The following FSIP1 variants were observed in gnomAD, a reference collection of about 807,000 sequenced individuals.
FSIP1 encodes fibrous sheath-interacting protein 1.
Under a neutral mutation model 60.9 loss-of-function variants are expected in FSIP1, and 65 were observed. That is an observed-to-expected ratio of 1.07 (90% CI 0.87 to 1.31). FSIP1 has a LOEUF of 1.31. Ranked by LOEUF, FSIP1 falls within the 40% of genes most tolerant of loss-of-function variation. FSIP1 has a pLI of 0.00. For missense variants in FSIP1, 675 were observed against 665.5 expected (o/e 1.01, Z -0.16); for synonymous variants, 209 against 221.2 (o/e 0.94, Z 0.49).
At chr15:39,678,924 T>C (rs1443576474) in intron 10 of FSIP1, among the ~76,000 whole-genome samples, 3 of 152,136 alleles carry the variant, frequency 2.0e-5, no homozygotes, top group Non-Finnish European at 2.9e-5. Context: ...ATTCTTTGGG[T>C]ATTGTTTTGT....
intron 10 of FSIP1, among the ~76,000 whole-genome samples, chr15:39,652,492 A>G (rs2411312): frequency 0.79 from 120,737 of 152,124 alleles, 48,924 homozygotes; most frequent in Non-Finnish European, 0.88. Context: ...AAAATTTGCT[A>G]TAGATTTTGC....
chr15:39,710,844 G>A (rs1895477111), intron 10 of FSIP1, among the ~76,000 whole-genome samples: 1 of 152,188 alleles, frequency 6.6e-6, no homozygotes, highest in Non-Finnish European at 1.5e-5. Context: ...AAATACTTTA[G>A]TATCTGTAAA....
intron 9 of FSIP1, among the ~76,000 whole-genome samples, chr15:39,721,277 G>C (rs10520150): frequency 0.12 from 18,111 of 152,192 alleles, 1,323 homozygotes; most frequent in African/African-American, 0.2. Context: ...TTACCATACA[G>C]AGATAAGTCA....
At chr15:39,712,114 T>C (rs116325358) in intron 10 of FSIP1, among the ~76,000 whole-genome samples, 1 of 152,170 alleles carries the variant, frequency 6.6e-6, no homozygotes, top group African/African-American at 2.4e-5. Flanking sequence ...AAATGAGCTA[T>C]AAAAAAAGCA....
intron 5 of FSIP1, among the ~76,000 whole-genome samples, chr15:39,748,918 C>A (rs1376454044): frequency 6.6e-6 from 1 of 151,148 alleles, no homozygotes; most frequent in Non-Finnish European, 1.5e-5. Flanking sequence ...AAAAGTTAGA[C>A]TAAGAAAAAA....
chr15:39,672,372 T>C (rs932316773), intron 10 of FSIP1, among the ~76,000 whole-genome samples: 1 of 152,228 alleles, frequency 6.6e-6, no homozygotes, highest in African/African-American at 2.4e-5. Context: ...CTGTCAGCTA[T>C]GCTTAGAAAG....
chr15:39,742,169 G>C (rs919970394), intron 5 of FSIP1, among the ~76,000 whole-genome samples: 1 of 152,182 alleles, frequency 6.6e-6, no homozygotes, highest in African/African-American at 2.4e-5. Flanking sequence ...GGATGTGTAA[G>C]AGTGTGCTAA....
At position 39,780,948 on chromosome 15, in the gene FSIP1, A is replaced by G. The variant is rs186130416; in HGVS notation, c.-8+1680T>C. Among the ~76,000 whole-genome samples the G allele has an allele frequency of 1.7e-3, 259 of 152,346 alleles. 2 individuals are homozygous for G. Among genetic ancestry groups the G allele is most frequent in the African/African-American group, 6.1e-3 (255 of 41,576 alleles). ...TGGGTTAGGCAAAAATTTCTTAGATACAACATCAAAGGCATGATTCATAAA... is the reference window on the plus strand; with the variant it reads ...TGGGTTAGGCAAAAATTTCTTAGATGCAACATCAAAGGCATGATTCATAAA... On this transcript the variant is annotated intron_variant, in intron 1 of 11. Transcript: ENST00000350221.
intron 11 of FSIP1, among the ~76,000 whole-genome samples, chr15:39,612,077 C>A (rs1209047486): frequency 6.6e-6 from 1 of 152,132 alleles, no homozygotes; most frequent in Non-Finnish European, 1.5e-5. Flanking sequence ...GACCTCAATA[C>A]CCCACTTTCA....
chr15:39,626,384 G>A (rs897517312), intron 10 of FSIP1, among the ~76,000 whole-genome samples: 5 of 152,190 alleles, frequency 3.3e-5, no homozygotes, highest in Non-Finnish European at 7.3e-5. Flanking sequence ...TCAGGGGAGT[G>A]TATCCAAAAC....
chr15:39,738,304 A>C (rs1896687391), intron 7 of FSIP1, 103 bp from the exon 8 acceptor site: 4 of 697,916 alleles, frequency 5.7e-6, no homozygotes, highest in African/African-American at 1.8e-5. Context: ...TACACAAAGA[A>C]AAGTTGCAAG....
At chr15:39,609,855 A>C (rs930180041) in intron 11 of FSIP1, among the ~76,000 whole-genome samples, 2 of 152,232 alleles carry the variant, frequency 1.3e-5, no homozygotes, top group African/African-American at 4.8e-5. Flanking sequence ...GCACAGCCAG[A>C]AGTTCCACTT....
chr15:39,646,520 CAAAAAAA>C (rs71132108), intron 10 of FSIP1, among the ~76,000 whole-genome samples: 8 of 27,088 alleles, frequency 3.0e-4, no homozygotes, highest in East Asian at 1.7e-3. Flanking sequence ...CTCATCTCTA[CAAAAAAA>C]AAAAAAAAAA....
At chr15:39,689,818 G>C (rs1894524522) in intron 10 of FSIP1, among the ~76,000 whole-genome samples, 1 of 152,168 alleles carries the variant, frequency 6.6e-6, no homozygotes, top group African/African-American at 2.4e-5. Context: ...AAAAGAAAAT[G>C]TTAGAAGCAA....
chr15:39,731,916 G>A (rs1349984761), intron 8 of FSIP1, among the ~76,000 whole-genome samples: 1 of 152,188 alleles, frequency 6.6e-6, no homozygotes, highest in Non-Finnish European at 1.5e-5. Context: ...TCCCAACATA[G>A]ATGAAAATAT....
intron 10 of FSIP1, among the ~76,000 whole-genome samples, chr15:39,694,216 A>C (rs542260544): frequency 2.6e-5 from 4 of 151,934 alleles, no homozygotes; most frequent in Admixed American, 6.6e-5. Context: ...GTATGTAACC[A>C]TCATAGCCAT....
chr15:39,608,700 C>T (rs1226505675), intron 11 of FSIP1, among the ~76,000 whole-genome samples: 5 of 152,198 alleles, frequency 3.3e-5, no homozygotes, highest in Admixed American at 2.6e-4. Flanking sequence ...TAAATAAAAA[C>T]ATTACAGCTG....
intron 10 of FSIP1, among the ~76,000 whole-genome samples, chr15:39,657,310 G>A (rs114971377): frequency 0.011 from 1,739 of 152,006 alleles, 42 homozygotes; most frequent in African/African-American, 0.039. Flanking sequence ...CTTCAATTTG[G>A]AAAGAAGTTC....
At chr15:39,736,231 T>G (rs902475238) in intron 8 of FSIP1, among the ~76,000 whole-genome samples, 1 of 152,228 alleles carries the variant, frequency 6.6e-6, no homozygotes, top group Non-Finnish European at 1.5e-5. Context: ...CTCAGAATTA[T>G]GTGGGCATTT....
Sources: allele counts gnomAD v4.1 joint callset (sites outside exome capture counted in the v4.1 genomes callset), GRCh38; gene constraint gnomAD v4.1.1; transcripts MANE v1.5; gene names NCBI Gene and HGNC (gene_info 2026-07-23, HGNC 2026-07-21).